STX8: variants seen among roughly 807,000 people sequenced by gnomAD.
STX8 encodes the protein syntaxin 8, also known as syntaxin-8.
In STX8, 23 loss-of-function variants were observed where a neutral mutation model predicts 37.5. That is an observed-to-expected ratio of 0.61 (90% CI 0.44 to 0.87). The LOEUF (loss-of-function observed/expected upper bound fraction) is 0.87. STX8 is among the 40% of genes least tolerant of loss of function. The pLI is 0.00. For missense variants in STX8, 313 were observed against 284.7 expected, an observed-to-expected ratio of 1.10 and a Z score of -0.71; for synonymous variants, 115 against 99.1, an observed-to-expected ratio of 1.16 and a Z score of -0.95.
At chr17:9,338,409 T>C (rs12943035) in intron 7 of STX8, among the ~76,000 whole-genome samples, 22,809 of 152,088 alleles carry the variant, frequency 0.15, 1,922 homozygotes, top group African/African-American at 0.21. Flanking sequence ...TGAAGACACA[T>C]GGTGCTTCAG....
chr17:9,448,542 C>CAAGAAGGCTGCAATGT (rs775629441), intron 6 of STX8, among the ~76,000 whole-genome samples: 1 of 151,954 alleles, frequency 6.6e-6, no homozygotes, highest in East Asian at 1.9e-4. Context: ...CTGCAATGTG[C>CAAGAAGGCTGCAATGT]GTTACGGAGA....
At chr17:9,520,617 T>C (rs577919441) in intron 4 of STX8, among the ~76,000 whole-genome samples, 3 of 152,322 alleles carry the variant, frequency 2.0e-5, no homozygotes, top group Admixed American at 2.0e-4. Flanking sequence ...CAATCACTTC[T>C]AAAGACATAA....
intron 7 of STX8, among the ~76,000 whole-genome samples, chr17:9,325,119 T>C (rs1217272512): frequency 6.6e-6 from 1 of 152,156 alleles, no homozygotes; most frequent in African/African-American, 2.4e-5. Flanking sequence ...TGTGGGCTAA[T>C]GTAAGTGTTC....
chr17:9,514,679 T>G (rs538545053), intron 4 of STX8, among the ~76,000 whole-genome samples: 20 of 152,316 alleles, frequency 1.3e-4, no homozygotes, highest in African/African-American at 4.6e-4. Flanking sequence ...ACAGTTAACA[T>G]GCAGTAAGCA....
At chr17:9,493,995 T>G (rs1409362255) in intron 5 of STX8, among the ~76,000 whole-genome samples, 1 of 88 alleles carries the variant, frequency 0.011, no homozygotes, top group Non-Finnish European at 0.022. Flanking sequence ...TATGTTTTGT[T>G]TTTTTTTGTT....
At chr17:9,434,644 G>A (rs1050701449) in intron 6 of STX8, among the ~76,000 whole-genome samples, 1 of 152,212 alleles carries the variant, frequency 6.6e-6, no homozygotes, top group Admixed American at 6.5e-5. Context: ...TAGCCTGGGA[G>A]GGTTCTTGGC....
intron 6 of STX8, among the ~76,000 whole-genome samples, chr17:9,409,014 C>A (rs1037761226): frequency 6.6e-6 from 1 of 151,950 alleles, no homozygotes; most frequent in Non-Finnish European, 1.5e-5. Flanking sequence ...CTCCCTACCC[C>A]CCCTACTGCT....
At chr17:9,410,429 C>T (rs557954714) in intron 6 of STX8, among the ~76,000 whole-genome samples, 4 of 152,270 alleles carry the variant, frequency 2.6e-5, no homozygotes, top group East Asian at 1.9e-4. Flanking sequence ...TTGTACAAAT[C>T]GGCATTTCTC....
At chr17:9,402,574 T>C (rs957248018) in intron 6 of STX8, among the ~76,000 whole-genome samples, 2 of 152,188 alleles carry the variant, frequency 1.3e-5, no homozygotes, top group Non-Finnish European at 2.9e-5. Flanking sequence ...TCCCACTCAT[T>C]AAACAATTGC....
At chr17:9,573,924 A>G (rs1907790508) in intron 1 of STX8, among the ~76,000 whole-genome samples, 1 of 152,110 alleles carries the variant, frequency 6.6e-6, no homozygotes, top group Non-Finnish European at 1.5e-5. Context: ...CAAAAAACTA[A>G]TAGGAGAAAA....
At chr17:9,264,590 C>T (rs1054584478) in intron 7 of STX8, among the ~76,000 whole-genome samples, 1 of 152,122 alleles carries the variant, frequency 6.6e-6, no homozygotes, top group African/African-American at 2.4e-5. Context: ...CAGGCATGAG[C>T]CACTGCACCC....
At chr17:9,574,833 G>A (rs989813309) in intron 1 of STX8, among the ~76,000 whole-genome samples, 11 of 152,074 alleles carry the variant, frequency 7.2e-5, no homozygotes, top group Admixed American at 2.0e-4. Flanking sequence ...CACCGCGTCC[G>A]GCCTAAAATT....
At chr17:9,439,746 G>C (rs538982990) in intron 6 of STX8, among the ~76,000 whole-genome samples, 1 of 151,836 alleles carries the variant, frequency 6.6e-6, no homozygotes, top group Admixed American at 6.6e-5. Context: ...TGCCTGCCTC[G>C]GCCTCTCAAA....
intron 7 of STX8, among the ~76,000 whole-genome samples, chr17:9,255,848 C>A (rs1906777057): frequency 6.6e-6 from 1 of 152,192 alleles, no homozygotes; most frequent in Non-Finnish European, 1.5e-5. Flanking sequence ...CTTTTGGATT[C>A]TTTGGGTCAA....
chr17:9,354,375 G>A (rs977160764), intron 7 of STX8, among the ~76,000 whole-genome samples: 3 of 142,092 alleles, frequency 2.1e-5, no homozygotes, highest in Non-Finnish European at 3.0e-5. Context: ...AGGCTGGAGT[G>A]CGGTGGTGAG....
At position 9,535,173 on chromosome 17, in the gene STX8, T is replaced by C. The variant is rs114085420; in HGVS notation, c.323+9999A>G. ...AGCACAGGAGAATTTCTTTATAACCTTGGTTCACTATAGTTATATATAATA... is the reference window on the plus strand; with the variant it reads ...AGCACAGGAGAATTTCTTTATAACCCTGGTTCACTATAGTTATATATAATA... On this transcript the variant is annotated intron_variant, in intron 4 of 7. Coordinates refer to ENST00000306357, the MANE Select transcript of STX8 (RefSeq NM_004853.3). Among the ~76,000 whole-genome samples the C allele has an allele frequency of 8.4e-3, 1,277 of 152,134 alleles. 22 individuals are homozygous for C. Among genetic ancestry groups the C allele is most frequent in the African/African-American group, 0.029 (1,209 of 41,512 alleles).
intron 6 of STX8, among the ~76,000 whole-genome samples, chr17:9,453,618 G>A (rs559098944): frequency 2.2e-4 from 33 of 150,192 alleles, no homozygotes; most frequent in African/African-American, 6.1e-4. Context: ...TCAGCCTCCC[G>A]AGTAGCTGGG....
At chr17:9,533,250 C>T (rs1018629040) in intron 4 of STX8, among the ~76,000 whole-genome samples, 4 of 152,080 alleles carry the variant, frequency 2.6e-5, no homozygotes, top group Non-Finnish European at 5.9e-5. Context: ...GGTGGATCAC[C>T]GGAGTTCAGG....
chr17:9,469,191 A>G (rs1905742072), intron 6 of STX8: 1 of 152,196 alleles, frequency 6.6e-6, no homozygotes, highest in South Asian at 2.1e-4. Context: ...AGGAGCACAG[A>G]AGAACTCTCA....
Sources: allele counts gnomAD v4.1 joint callset (sites outside exome capture counted in the v4.1 genomes callset), GRCh38; gene constraint gnomAD v4.1.1; transcripts MANE v1.5; gene names NCBI Gene and HGNC (gene_info 2026-07-23, HGNC 2026-07-21).